The following EYA3 variants were observed in gnomAD, a reference collection of about 807,000 sequenced individuals.
EYA3 encodes EYA transcriptional coactivator and phosphatase 3, also known as protein phosphatase EYA3.
A neutral mutation model predicts 80.0 loss-of-function variants in EYA3; 39 were observed. That is an observed-to-expected ratio of 0.49 (90% CI 0.38 to 0.64). The LOEUF (loss-of-function observed/expected upper bound fraction) is 0.64, where lower values mean the gene tolerates loss of function less well. Among genes scored for constraint, EYA3 ranks in the 30% least tolerant of loss-of-function variants. The probability of loss-of-function intolerance (pLI) is 0.00; values close to 1 mark genes in which losing one functional copy is unlikely to be tolerated. For missense variants in EYA3, 523 were observed against 676.1 expected (o/e 0.77, Z 2.51); for synonymous variants, 206 against 232.8 (o/e 0.88, Z 1.05).
chr1:28,064,572 C>A (rs1644763349), intron 1 of EYA3, among the ~76,000 whole-genome samples: 1 of 152,080 alleles, frequency 6.6e-6, no homozygotes, highest in Non-Finnish European at 1.5e-5. Context: ...CTACACCATT[C>A]TTTAAAACCA....
At chr1:28,084,595 A>ATTTTTTT (rs869103612) in intron 1 of EYA3, among the ~76,000 whole-genome samples, 1 of 15,230 alleles carries the variant, frequency 6.6e-5, no homozygotes, top group Non-Finnish European at 1.1e-4. Context: ...ATATATATAT[A>ATTTTTTT]TTTTTTTTTT....
chr1:28,019,861 C>T (rs942442972), intron 7 of EYA3, among the ~76,000 whole-genome samples: 3 of 151,840 alleles, frequency 2.0e-5, no homozygotes, highest in African/African-American at 4.9e-5. Flanking sequence ...CCACCAAGCC[C>T]GGCTAATGCT....
chr1:27,998,468 G>A (rs1640604797), intron 12 of EYA3: 1 of 222,280 alleles, frequency 4.5e-6, no homozygotes, highest in African/African-American at 2.3e-5. Flanking sequence ...GAAGTTGAGG[G>A]AAGATTAAAG....
rs550333689 is a variant in EYA3, at chr1:28,051,602, G to A, written c.34-3176C>T. The stretch of plus-strand genomic sequence containing the variant: ...CTCAGGAGGCTGAGGCAGGAGAATC[G>A]TCTGAACCTGGGAGGTGGAGGTCGC... On this transcript the variant is annotated intron_variant, in intron 2 of 17. Transcript: ENST00000373871. Among the ~76,000 whole-genome samples the A allele has an allele frequency of 2.6e-4, 39 of 152,206 alleles. 1 individual carries two copies. The South Asian group carries it at 7.5e-3, about 29-fold the overall frequency.
chr1:27,988,130 A>G (rs917145949), intron 16 of EYA3, among the ~76,000 whole-genome samples: 1 of 152,170 alleles, frequency 6.6e-6, no homozygotes, highest in Non-Finnish European at 1.5e-5. Flanking sequence ...TCAGCCTCCC[A>G]AAGTGGTGGT....
intron 7 of EYA3, among the ~76,000 whole-genome samples, chr1:28,026,742 G>A (rs979558178): frequency 1.3e-5 from 2 of 151,026 alleles, no homozygotes; most frequent in African/African-American, 4.8e-5. Context: ...AAGAAAGAAG[G>A]GGGAGAGGAC....
chr1:28,062,693 T>TGTGTGTGTGTGTGTG, intron 1 of EYA3, among the ~76,000 whole-genome samples: 4 of 150,212 alleles, frequency 2.7e-5, no homozygotes, highest in Non-Finnish European at 4.4e-5. Flanking sequence ...TGTGTGTGTG[T>TGTGTGTGTGTGTGTG]TCTGTTTGTT....
At chr1:28,066,882 A>C (rs1644852904) in intron 1 of EYA3, among the ~76,000 whole-genome samples, 1 of 152,204 alleles carries the variant, frequency 6.6e-6, no homozygotes, top group African/African-American at 2.4e-5. Context: ...TCAAAGGATA[A>C]AAACAGGCAG....
intron 14 of EYA3, among the ~76,000 whole-genome samples, chr1:27,991,911 A>G (rs1029829457): frequency 1.3e-5 from 2 of 152,198 alleles, no homozygotes; most frequent in African/African-American, 4.8e-5. Flanking sequence ...AAAACTAACA[A>G]AAGAAAGGCT....
Position 27,997,528 on chromosome 1 carries a change from G to C in EYA3, c.1084-150C>G, listed in dbSNP as rs1315008200. On this transcript the variant is annotated intron_variant, in intron 12 of 17. Coordinates refer to ENST00000373871, the MANE Select transcript of EYA3 (RefSeq NM_001990.4). ...GTGGGTGATCACTCTCACACCCCTTGCTGTCCAATTCCTCTTAAGACCTGA... is the reference window on the plus strand; with the variant it reads ...GTGGGTGATCACTCTCACACCCCTTCCTGTCCAATTCCTCTTAAGACCTGA... 3 of 694,788 alleles carry C rather than the reference G, an allele frequency of 4.3e-6. No homozygotes were observed. In the African/African-American group the frequency reaches 5.3e-5, roughly 12 times the overall value. The allele number at this position is 694,788 out of a possible 1,614,324, so 43.0% of individuals were successfully genotyped here.
At chr1:28,059,212 C>T (rs11247745) in intron 1 of EYA3, among the ~76,000 whole-genome samples, 34,681 of 152,122 alleles carry the variant, frequency 0.23, 4,159 homozygotes, top group Non-Finnish European at 0.27. Flanking sequence ...AGAGAAAACA[C>T]ACATAAGGTT....
intron 1 of EYA3, among the ~76,000 whole-genome samples, chr1:28,081,125 CACT>C (rs1645411821): frequency 6.6e-6 from 1 of 152,136 alleles, no homozygotes; most frequent in Admixed American, 6.5e-5. Context: ...TAAAGGAAAC[CACT>C]GAGTTACTTC....
intron 16 of EYA3, among the ~76,000 whole-genome samples, chr1:27,980,534 T>C (rs1639226292): frequency 6.6e-6 from 1 of 152,232 alleles, no homozygotes; most frequent in South Asian, 2.1e-4. Flanking sequence ...AAGAGAGTTA[T>C]TAACAGCTCA....
intron 1 of EYA3, among the ~76,000 whole-genome samples, chr1:28,085,948 AACTTCT>A (rs1281482800): frequency 6.6e-6 from 1 of 152,208 alleles, no homozygotes; most frequent in Non-Finnish European, 1.5e-5. Flanking sequence ...AAAACTTTTC[AACTTCT>A]ACTTCTGCAC....
rs1641856218 is a variant in EYA3, at chr1:28,013,855, G to A, written c.586-561C>T. Among the ~76,000 whole-genome samples, 1 of 152,174 alleles carries A rather than the reference G, an allele frequency of 6.6e-6. No individual in the cohort carries two copies. Among genetic ancestry groups the A allele is most frequent in the South Asian group, 2.1e-4 (1 of 4,832 alleles). ...AGATGGGTGGATCACTTGAGGTCAG[G>A]AGTTCAAGACCAGCCTGACCAACAT... On this transcript the variant is annotated intron_variant, in intron 8 of 17. Coordinates refer to ENST00000373871, the MANE Select transcript of EYA3 (RefSeq NM_001990.4). This position sits in a 1 kb window ranked among gnomAD's most constrained non-coding sequence, Gnocchi z 4.0.
At chr1:28,069,839 C>T (rs1045210640) in intron 1 of EYA3, among the ~76,000 whole-genome samples, 6 of 152,034 alleles carry the variant, frequency 3.9e-5, no homozygotes, top group Admixed American at 3.3e-4. Flanking sequence ...ATACATAGGC[C>T]CTAAACGCCA....
chr1:28,004,231 A>C, intron 11 of EYA3, 105 bp downstream of exon 11: 1 of 736,364 alleles, frequency 1.4e-6, no homozygotes. Flanking sequence ...GAAAGTGAAA[A>C]GCCAGCCAAC....
At chr1:28,048,347 GAGTAGTTC>G (rs757926174) in intron 3 of EYA3, 28 bp downstream of exon 3, 2 of 1,488,298 alleles carry the variant, frequency 1.3e-6, no homozygotes, top group East Asian at 4.6e-5. Flanking sequence ...CAAAACTTAT[GAGTAGTTC>G]ATTAAAAAGA....
At position 28,009,713 on chromosome 1, in the gene EYA3, A is replaced by G. The variant is rs1025018328; in HGVS notation, c.909+1234T>C. On this transcript the variant is annotated intron_variant, in intron 10 of 17. Transcript: ENST00000373871. This position sits in a 1 kb window ranked among gnomAD's most constrained non-coding sequence, Gnocchi z 4.8. ...AAATAAGTCTGGCACAAAAGGATAC[A>G]TTTTCTGTGATTCCACTTATATGAG... Among the ~76,000 whole-genome samples the G allele has an allele frequency of 6.6e-6, 1 of 152,174 alleles. No homozygotes were observed. The highest frequency in any genetic ancestry group is 6.6e-5 in the Admixed American group (1 of 15,256).
Sources: allele counts gnomAD v4.1 joint callset (sites outside exome capture counted in the v4.1 genomes callset), GRCh38; gene constraint gnomAD v4.1.1; non-coding constraint Gnocchi (gnomAD v3.1); transcripts MANE v1.5; gene names NCBI Gene and HGNC (gene_info 2026-07-23, HGNC 2026-07-21).